Variants in SBNO2 observed in about 807,000 individuals in gnomAD.
SBNO2 encodes protein strawberry notch homolog 2.
SBNO2 carries 89 observed loss-of-function variants against 146.3 expected under a neutral mutation model. That is an observed-to-expected ratio of 0.61 (90% confidence interval 0.51 to 0.73). The LOEUF is 0.73. Among genes scored for constraint, SBNO2 ranks in the 30% least tolerant of loss-of-function variants. SBNO2 has a pLI of 0.00. For synonymous variants in SBNO2, 1,147 were observed against 892.6 expected, an observed-to-expected ratio of 1.29 and a Z score of -5.08; for missense variants, 2,092 against 2,003.7, an observed-to-expected ratio of 1.04 and a Z score of -0.84.
intron 4 of SBNO2, among the ~76,000 whole-genome samples, chr19:1,134,905 G>C (rs1044843240): frequency 1.3e-5 from 2 of 151,972 alleles, no homozygotes; most frequent in South Asian, 2.1e-4. Flanking sequence ...AATTAGCCAG[G>C]TGTGGTGGTG....
chr19:1,114,153 C>A, intron 18 of SBNO2, 78 bp downstream of exon 18: 2 of 1,300,846 alleles, frequency 1.5e-6, no homozygotes, highest in Non-Finnish European at 2.0e-6. Context: ...AGGCTGGAAT[C>A]CTGACCCAGA....
At chr19:1,164,461 A>G (rs1224510469) in intron 1 of SBNO2, among the ~76,000 whole-genome samples, 1 of 133,850 alleles carries the variant, frequency 7.5e-6, no homozygotes, top group Non-Finnish European at 1.6e-5. Flanking sequence ...AACAGGTGCT[A>G]GGACACTGTG....
chr19:1,116,221 G>A, intron 16 of SBNO2, 118 bp from the exon 17 acceptor site: 4 of 836,884 alleles, frequency 4.8e-6, no homozygotes, highest in Non-Finnish European at 7.4e-6. Context: ...GACCGGGCCT[G>A]GGCAGAGGGT....
chr19:1,131,140 G>A (rs2080023653), intron 4 of SBNO2, among the ~76,000 whole-genome samples: 1 of 152,168 alleles, frequency 6.6e-6, no homozygotes, highest in East Asian at 1.9e-4. Flanking sequence ...ACCCGCGCCT[G>A]TGTGTCCCTC....
At chr19:1,123,121 C>A (rs896747300) in intron 7 of SBNO2, 76 bp from the exon 8 acceptor site, 3 of 1,518,024 alleles carry the variant, frequency 2.0e-6, no homozygotes, top group Non-Finnish European at 2.7e-6. Context: ...GCACGCTGGG[C>A]GGGTCTGGGG....
rs1289210966 is a variant in SBNO2, at chr19:1,127,729, T to C, written c.316A>G (p.Ile106Val). The change falls in exon 5 of 32, where the codon ATC (isoleucine) becomes GTC (valine). Residue 106 changes from isoleucine (I) to valine (V), a missense_variant. Coordinates refer to ENST00000361757, the MANE Select transcript of SBNO2 (RefSeq NM_014963.3). Reference protein sequence around the residue: ...SYFEDFSNISIFSSSVDSLSD... With the variant: ...SYFEDFSNISVFSSSVDSLSD... ...AGGGAGTCCACGGACGAGGAGAAGA[T>C]GGAGATGTTGGAGAAGTCCTCAAAA... is the stretch of plus-strand genomic sequence containing the variant. 3.7e-6 allele frequency: 6 copies of C among 1,613,240 alleles called. No individual in the cohort carries two copies. Among genetic ancestry groups the C allele is most frequent in the African/African-American group, 1.3e-5 (1 of 74,966 alleles).
At chr19:1,154,500 G>T in intron 1 of SBNO2, 98 bp from the exon 2 acceptor site, 1 of 378,844 alleles carries the variant, frequency 2.6e-6, no homozygotes. Flanking sequence ...CCCAGCCTGG[G>T]CTGCAGCTCC....
intron 4 of SBNO2, among the ~76,000 whole-genome samples, chr19:1,134,315 C>CCCGGGTGG (rs1337267254): frequency 1.6e-4 from 24 of 150,958 alleles, no homozygotes; most frequent in African/African-American, 3.4e-4. Flanking sequence ...ACCTACAGCT[C>CCCGGGTGG]ACGGGTGGAC....
At position 1,117,303 on chromosome 19, in the gene SBNO2, C is replaced by G. The variant is rs1247929771; in HGVS notation, c.1704+20G>C. 3 of 1,548,598 alleles carry G rather than the reference C, an allele frequency of 1.9e-6. No individual in the cohort carries two copies. The highest frequency in any genetic ancestry group is 1.2e-5 in the South Asian group (1 of 83,330). ...TGCAGGCCCGGCCGCCCTCAGCCCT[C>G]GAAGGCCGCAGCCGCTCACCTTGTC... On this transcript the variant is annotated intron_variant, in intron 15 of 31. Transcript: ENST00000361757.
At chr19:1,166,349 AG>A (rs1247847256) in intron 1 of SBNO2, among the ~76,000 whole-genome samples, 1 of 152,142 alleles carries the variant, frequency 6.6e-6, no homozygotes, top group Non-Finnish European at 1.5e-5. Flanking sequence ...GCTCCAAAGC[AG>A]GGTCCCCATG....
At position 1,109,540 on chromosome 19, in the gene SBNO2, G is replaced by A. The variant is rs759082905; in HGVS notation, c.3182C>T (p.Thr1061Met). Reference sequence around the variant, plus strand: ...GAGGTAGAAGCCGTCATAGGGGCCCGTCAGCGCCAGCGACTTGGCAAAGGC... The same window carrying A: ...GAGGTAGAAGCCGTCATAGGGGCCCATCAGCGCCAGCGACTTGGCAAAGGC... The part of the protein sequence containing the change: ...EDAFAKSLAL[T>M]GPYDGFYLSY... The change falls in exon 28 of 32, where the codon ACG becomes ATG. Residue 1061 changes from threonine (T) to methionine (M), a missense_variant. Coordinates refer to ENST00000361757, the MANE Select transcript of SBNO2 (RefSeq NM_014963.3). The surrounding 1 kb of genome is among the most constrained non-coding windows in gnomAD (Gnocchi z 4.2). The A allele has an allele frequency of 1.0e-5, 16 of 1,601,218 alleles. No homozygotes were observed. The highest frequency in any genetic ancestry group is 1.3e-5 in the African/African-American group (1 of 74,720).
At chr19:1,160,703 G>A (rs114432597) in intron 1 of SBNO2, among the ~76,000 whole-genome samples, 1,987 of 152,238 alleles carry the variant, frequency 0.013, 18 homozygotes, top group Middle Eastern at 0.027. Flanking sequence ...GATAATTTGC[G>A]TATTTTAGTA....
intron 5 of SBNO2, among the ~76,000 whole-genome samples, chr19:1,125,532 C>T (rs895001048): frequency 9.3e-5 from 14 of 151,312 alleles, no homozygotes; most frequent in Non-Finnish European, 1.5e-4. Flanking sequence ...TAGCCAGGCA[C>T]GATGGTACAT....
At chr19:1,115,761 T>C (rs1312299737) in intron 17 of SBNO2, 1 of 563,614 alleles carries the variant, frequency 1.8e-6, no homozygotes. Flanking sequence ...CGCGTCCGTG[T>C]CCCGCCCCCC....
intron 1 of SBNO2, among the ~76,000 whole-genome samples, chr19:1,169,895 C>T (rs1051072497): frequency 4.6e-5 from 7 of 152,154 alleles, no homozygotes; most frequent in African/African-American, 9.7e-5. Flanking sequence ...TCCGCTCCCC[C>T]AAAACACAGC....
At chr19:1,154,942 A>G (rs1050988054) in intron 1 of SBNO2, 2 of 152,434 alleles carry the variant, frequency 1.3e-5, no homozygotes, top group Non-Finnish European at 2.9e-5. Context: ...CAGGCTAATC[A>G]CACACCAGCA....
chr19:1,163,575 GCTGT>G (rs1568641814), intron 1 of SBNO2, among the ~76,000 whole-genome samples: 1 of 152,218 alleles, frequency 6.6e-6, no homozygotes, highest in African/African-American at 2.4e-5. Flanking sequence ...GCGGCACGAG[GCTGT>G]CTGTGGATTT....
At chr19:1,172,512 G>A (rs2050388730) in intron 1 of SBNO2, among the ~76,000 whole-genome samples, 1 of 152,172 alleles carries the variant, frequency 6.6e-6, no homozygotes, top group Non-Finnish European at 1.5e-5. Flanking sequence ...TGGGTCCCAT[G>A]TCCCCGCTGC....
chr19:1,138,395 C>T (rs1227173534), intron 4 of SBNO2, among the ~76,000 whole-genome samples: 3 of 151,834 alleles, frequency 2.0e-5, no homozygotes, highest in Admixed American at 6.6e-5. Flanking sequence ...CCCTTATCCT[C>T]GAGCAGGAAC....
Sources: allele counts gnomAD v4.1 joint callset (sites outside exome capture counted in the v4.1 genomes callset), GRCh38; gene constraint gnomAD v4.1.1; non-coding constraint Gnocchi (gnomAD v3.1); transcripts MANE v1.5; gene names NCBI Gene and HGNC (gene_info 2026-07-23, HGNC 2026-07-21).